Variants in ERC2 observed in about 807,000 individuals in gnomAD.
The protein encoded by ERC2 is ERC protein 2.
A neutral mutation model predicts 114.8 loss-of-function variants in ERC2; 42 were observed. That is an observed-to-expected ratio of 0.37 (90% CI 0.29 to 0.47). ERC2 has a LOEUF of 0.47. Ranked by LOEUF, ERC2 falls within the 20% of genes least tolerant of loss-of-function variation. The pLI is 0.99. For missense variants in ERC2, 939 were observed against 1,150.7 expected, an observed-to-expected ratio of 0.82 and a Z score of 2.66; for synonymous variants, 454 against 425.5, an observed-to-expected ratio of 1.07 and a Z score of -0.82.
chr3:55,855,031 C>T (rs747786806), intron 14 of ERC2, among the ~76,000 whole-genome samples: 1 of 152,126 alleles, frequency 6.6e-6, no homozygotes, highest in Non-Finnish European at 1.5e-5. Flanking sequence ...TCCATGGCAG[C>T]CCAGTAACTT....
At chr3:56,235,493 AAG>A (rs1030746408) in intron 3 of ERC2, among the ~76,000 whole-genome samples, 1 of 152,234 alleles carries the variant, frequency 6.6e-6, no homozygotes, top group African/African-American at 2.4e-5. Context: ...ACAATAAAAT[AAG>A]AGTTTTCTTG....
chr3:55,533,954 T>C (rs56097241), intron 17 of ERC2, among the ~76,000 whole-genome samples: 1 of 152,130 alleles, frequency 6.6e-6, no homozygotes, highest in African/African-American at 2.4e-5. Flanking sequence ...TGGATAAGAA[T>C]GCAGCCCCTA....
intron 14 of ERC2, among the ~76,000 whole-genome samples, chr3:55,829,295 G>A (rs1368675989): frequency 1.3e-5 from 2 of 152,070 alleles, no homozygotes; most frequent in Non-Finnish European, 2.9e-5. Flanking sequence ...GATAAAGATT[G>A]ATACATTTCA....
At chr3:55,965,884 C>T (rs1457962763) in intron 12 of ERC2, among the ~76,000 whole-genome samples, 1 of 152,116 alleles carries the variant, frequency 6.6e-6, no homozygotes, top group Non-Finnish European at 1.5e-5. Context: ...TGAAGGATAA[C>T]AAAGTGGCAG....
intron 7 of ERC2, among the ~76,000 whole-genome samples, chr3:56,079,093 A>T (rs2077108033): frequency 1.3e-5 from 2 of 152,106 alleles, no homozygotes; most frequent in Non-Finnish European, 2.9e-5. Flanking sequence ...AGTTCTGTCA[A>T]TAGGAACATA....
At chr3:55,948,388 T>G (rs12635074) in intron 13 of ERC2, among the ~76,000 whole-genome samples, 40,691 of 152,150 alleles carry the variant, frequency 0.27, 6,988 homozygotes, top group Non-Finnish European at 0.35. Flanking sequence ...ACAGGCTAAC[T>G]TGTAAACAGG....
At chr3:55,900,899 C>A (rs771745500) in intron 13 of ERC2, among the ~76,000 whole-genome samples, 2 of 152,148 alleles carry the variant, frequency 1.3e-5, no homozygotes, top group African/African-American at 4.8e-5. Flanking sequence ...AGAAGCAGAC[C>A]ATTTAAATGA....
chr3:55,691,590 A>G (rs2062671366), intron 16 of ERC2, among the ~76,000 whole-genome samples: 1 of 136,744 alleles, frequency 7.3e-6, no homozygotes, highest in Non-Finnish European at 1.5e-5. Flanking sequence ...ATATATATAT[A>G]TATATATATA....
intron 17 of ERC2, among the ~76,000 whole-genome samples, chr3:55,637,780 C>T (rs561103217): frequency 2.8e-4 from 42 of 152,164 alleles, no homozygotes; most frequent in Admixed American, 1.7e-3. Context: ...GTGTTTATTA[C>T]ATATTTGTAG....
chr3:55,623,654 A>C (rs1016977098), intron 17 of ERC2, among the ~76,000 whole-genome samples: 2 of 152,004 alleles, frequency 1.3e-5, no homozygotes, highest in Non-Finnish European at 2.9e-5. Flanking sequence ...CTTCCCACCA[A>C]ACTATTCACC....
chr3:56,298,111 C>G (rs1477598467), intron 2 of ERC2, among the ~76,000 whole-genome samples: 1 of 152,118 alleles, frequency 6.6e-6, no homozygotes, highest in Non-Finnish European at 1.5e-5. Flanking sequence ...GTTGTACAAC[C>G]ATCAACACAA....
chr3:56,384,212 TA>T (rs2106759908), intron 2 of ERC2, among the ~76,000 whole-genome samples: 1 of 152,310 alleles, frequency 6.6e-6, no homozygotes, highest in East Asian at 1.9e-4. Flanking sequence ...ATTTTGGGTA[TA>T]TATCCAGAAG....
intron 14 of ERC2, among the ~76,000 whole-genome samples, chr3:55,865,427 G>A (rs957120286): frequency 6.6e-6 from 1 of 151,952 alleles, no homozygotes; most frequent in African/African-American, 2.4e-5. Flanking sequence ...TGCAGATTTC[G>A]GAGCACTCTG....
intron 13 of ERC2, among the ~76,000 whole-genome samples, chr3:55,931,137 C>T (rs1285905561): frequency 6.6e-6 from 1 of 152,184 alleles, no homozygotes; most frequent in Non-Finnish European, 1.5e-5. Context: ...AATAGGGAGG[C>T]TTTTACACTG....
intron 6 of ERC2, among the ~76,000 whole-genome samples, chr3:56,117,096 C>T (rs2079281997): frequency 6.6e-6 from 1 of 152,174 alleles, no homozygotes; most frequent in Non-Finnish European, 1.5e-5. Context: ...ACCTGGATTC[C>T]TCTGACACAA....
intron 3 of ERC2, among the ~76,000 whole-genome samples, chr3:56,286,603 C>T (rs2054734726): frequency 6.6e-6 from 1 of 152,078 alleles, no homozygotes; most frequent in Non-Finnish European, 1.5e-5. Flanking sequence ...AAGCTACTTA[C>T]TTATTATCTA....
chr3:55,686,383 G>A (rs2062333526), intron 16 of ERC2, among the ~76,000 whole-genome samples: 1 of 152,132 alleles, frequency 6.6e-6, no homozygotes, highest in Admixed American at 6.5e-5. Context: ...AGAAGTGGTG[G>A]CTCTTTCTGG....
At chr3:56,156,944 C>T (rs1250895128) in intron 4 of ERC2, among the ~76,000 whole-genome samples, 1 of 151,782 alleles carries the variant, frequency 6.6e-6, no homozygotes, top group Non-Finnish European at 1.5e-5. Flanking sequence ...AAACAAACAA[C>T]AACAAAAAAA....
At chr3:55,954,915 C>T (rs1181453927) in intron 12 of ERC2, among the ~76,000 whole-genome samples, 2 of 151,612 alleles carry the variant, frequency 1.3e-5, no homozygotes, top group Non-Finnish European at 2.9e-5. Context: ...TGAAAATTGC[C>T]TAATCATCCA....
Sources: gnomAD v4.1 joint callset for allele counts (sites outside exome capture counted in the v4.1 genomes callset) on GRCh38, gnomAD v4.1.1 for gene constraint, MANE v1.5 for transcripts, NCBI Gene and HGNC (gene_info 2026-07-23, HGNC 2026-07-21) for gene names.